GALNTL6: variants seen among roughly 807,000 people sequenced by gnomAD.
GALNTL6 encodes the protein polypeptide N-acetylgalactosaminyltransferase-like 6.
In GALNTL6, 46 loss-of-function variants were observed where a neutral mutation model predicts 73.7. The observed-to-expected ratio is 0.62, with a 90% confidence interval of 0.49 to 0.80. GALNTL6 has a LOEUF of 0.80. Ranked by LOEUF, GALNTL6 falls within the 30% of genes least tolerant of loss-of-function variation. The probability of loss-of-function intolerance (pLI) is 0.00; values close to 1 mark genes in which losing one functional copy is unlikely to be tolerated. For missense variants in GALNTL6, 604 were observed against 755.0 expected (o/e 0.80, Z 2.34); for synonymous variants, 259 against 263.7 (o/e 0.98, Z 0.17).
At chr4:172,055,940 G>C (rs1270897673) in intron 2 of GALNTL6, among the ~76,000 whole-genome samples, 1 of 152,102 alleles carries the variant, frequency 6.6e-6, no homozygotes, top group Non-Finnish European at 1.5e-5. Context: ...GAAAAAAGTT[G>C]TCAGTTTATG....
intron 5 of GALNTL6, among the ~76,000 whole-genome samples, chr4:172,789,463 T>C (rs1298514459): frequency 1.3e-5 from 2 of 152,188 alleles, no homozygotes; most frequent in Non-Finnish European, 2.9e-5. Flanking sequence ...TAGTGTATTT[T>C]ATGTGTGGCC....
chr4:172,480,666 T>C (rs1335682082), intron 5 of GALNTL6, among the ~76,000 whole-genome samples: 1 of 152,210 alleles, frequency 6.6e-6, no homozygotes, highest in African/African-American at 2.4e-5. Flanking sequence ...GAATGTATTA[T>C]TGTTCATGAG....
intron 2 of GALNTL6, among the ~76,000 whole-genome samples, chr4:171,987,971 G>A (rs1364559103): frequency 1.3e-5 from 2 of 152,212 alleles, no homozygotes; most frequent in Non-Finnish European, 2.9e-5. Flanking sequence ...AGTGAGTACA[G>A]CTGAAGGAGC....
At chr4:172,527,947 T>A (rs547270053) in intron 5 of GALNTL6, among the ~76,000 whole-genome samples, 10 of 152,286 alleles carry the variant, frequency 6.6e-5, no homozygotes, top group African/African-American at 2.4e-4. Context: ...TTAAAAAAGC[T>A]GCTAGTTATT....
chr4:172,532,645 A>G (rs1455124), intron 5 of GALNTL6, among the ~76,000 whole-genome samples: 31,964 of 152,158 alleles, frequency 0.21, 3,689 homozygotes, highest in African/African-American at 0.29. Flanking sequence ...TTAAAGGCAA[A>G]TTTGAAGTTT....
At chr4:172,271,838 TAAAG>T (rs1284869271) in intron 3 of GALNTL6, among the ~76,000 whole-genome samples, 1 of 152,026 alleles carries the variant, frequency 6.6e-6, no homozygotes, top group Non-Finnish European at 1.5e-5. Flanking sequence ...GAAAATGTAA[TAAAG>T]AAAGTGCATT....
chr4:173,016,675 C>T (rs1338453717), intron 11 of GALNTL6, among the ~76,000 whole-genome samples: 1 of 152,190 alleles, frequency 6.6e-6, no homozygotes, highest in East Asian at 1.9e-4. Flanking sequence ...TTTACAGGCT[C>T]ATAGGCGGAG....
chr4:172,600,015 CA>C (rs1405327482), intron 5 of GALNTL6, among the ~76,000 whole-genome samples: 38 of 151,960 alleles, frequency 2.5e-4, no homozygotes, highest in Admixed American at 2.4e-3. Flanking sequence ...AATGAAACGA[CA>C]AAAAAGTTAA....
chr4:172,882,952 C>G, intron 8 of GALNTL6, 45 bp downstream of exon 8: 2 of 1,021,186 alleles, frequency 2.0e-6, no homozygotes, highest in Non-Finnish European at 3.0e-6. Flanking sequence ...ATAATTTTGA[C>G]AATTCTGATA....
chr4:172,121,626 C>T (rs936197135), intron 2 of GALNTL6, among the ~76,000 whole-genome samples: 1 of 152,028 alleles, frequency 6.6e-6, no homozygotes, highest in Non-Finnish European at 1.5e-5. Flanking sequence ...AAGTCAGTGT[C>T]AAAACTTTCT....
chr4:172,212,166 C>CA (rs1006100201), intron 2 of GALNTL6, among the ~76,000 whole-genome samples: 1 of 149,146 alleles, frequency 6.7e-6, no homozygotes, highest in Non-Finnish European at 1.5e-5. Context: ...TAATAATTAG[C>CA]TTTTTTTTTT....
intron 5 of GALNTL6, among the ~76,000 whole-genome samples, chr4:172,737,686 A>G (rs4696006): frequency 0.45 from 67,970 of 152,038 alleles, 17,650 homozygotes; most frequent in East Asian, 0.68. Context: ...TTGTGGGTAT[A>G]CATCTATGTC....
At chr4:173,022,074 GGAAGGAAGGAAGGAAA>G (rs1397092538) in intron 12 of GALNTL6, among the ~76,000 whole-genome samples, 9 of 107,586 alleles carry the variant, frequency 8.4e-5, no homozygotes, top group East Asian at 5.0e-4. Flanking sequence ...AAGGAAGGAA[GGAAGGAAGGAAGGAAA>G]GAAGGAAGGA....
intron 5 of GALNTL6, among the ~76,000 whole-genome samples, chr4:172,796,505 C>T (rs1465037464): frequency 4.6e-5 from 7 of 152,146 alleles, no homozygotes; most frequent in African/African-American, 1.7e-4. Flanking sequence ...TTATTATGTC[C>T]ATATATTACT....
At chr4:172,410,966 C>A (rs1372435013) in intron 5 of GALNTL6, among the ~76,000 whole-genome samples, 1 of 152,096 alleles carries the variant, frequency 6.6e-6, no homozygotes, top group Non-Finnish European at 1.5e-5. Context: ...AGTAGCTTTT[C>A]ACTTTAGGCA....
At chr4:172,580,541 G>A (rs1183369878) in intron 5 of GALNTL6, among the ~76,000 whole-genome samples, 1 of 152,168 alleles carries the variant, frequency 6.6e-6, no homozygotes, top group Non-Finnish European at 1.5e-5. Context: ...TGTTGCTGAT[G>A]TCAAGTGTGC....
In GALNTL6 at chr4:173,009,079, A is replaced by G. The variant is rs376332796; in HGVS notation, c.1372-99A>G. 6.3e-6 allele frequency: 5 copies of G among 787,872 alleles called. 1 individual carries two copies. The allele number at this position is 787,872 out of a possible 1,614,324, so 48.8% of individuals were successfully genotyped here. On this transcript the variant is annotated intron_variant, in intron 10 of 12. Transcript: ENST00000506823. ...TCATTCAATATGCATGTAACCAAAA[A>G]GATAATCTATGTCTTACTTAATCTA...
chr4:172,046,574 GA>G (rs1742228020), intron 2 of GALNTL6, among the ~76,000 whole-genome samples: 2 of 152,220 alleles, frequency 1.3e-5, no homozygotes, highest in South Asian at 4.1e-4. Flanking sequence ...TGACAGGTGT[GA>G]GATGATCTCT....
At chr4:173,027,197 T>G (rs1753267831) in intron 12 of GALNTL6, among the ~76,000 whole-genome samples, 1 of 152,200 alleles carries the variant, frequency 6.6e-6, no homozygotes, top group East Asian at 1.9e-4. Flanking sequence ...TTGGCCAGGC[T>G]GGTCTCGAAC....
Sources: allele counts gnomAD v4.1 joint callset (sites outside exome capture counted in the v4.1 genomes callset), GRCh38; gene constraint gnomAD v4.1.1; transcripts MANE v1.5; gene names NCBI Gene and HGNC (gene_info 2026-07-23, HGNC 2026-07-21).